SMC5: variants seen among roughly 807,000 people sequenced by gnomAD.
The protein encoded by SMC5 is structural maintenance of chromosomes 5, also known as structural maintenance of chromosomes protein 5.
SMC5 carries 88 observed loss-of-function variants against 148.3 expected under a neutral mutation model. The observed-to-expected ratio is 0.59, with a 90% CI of 0.50 to 0.71. The LOEUF is 0.71. Among genes scored for constraint, SMC5 ranks in the 30% least tolerant of loss-of-function variants. SMC5 has a pLI of 0.00. For missense variants in SMC5, 1,142 were observed against 1,298.9 expected, an observed-to-expected ratio of 0.88 and a Z score of 1.86; for synonymous variants, 421 against 432.8, an observed-to-expected ratio of 0.97 and a Z score of 0.34.
chr9:70,295,492 AAGAG>A (rs1463986615), intron 8 of SMC5, among the ~76,000 whole-genome samples: 1 of 150,834 alleles, frequency 6.6e-6, no homozygotes, highest in Non-Finnish European at 1.5e-5. Context: ...AAAAAAGAAG[AAGAG>A]GGAACATTCA....
chr9:70,262,428 G>T (rs901702508), intron 1 of SMC5, among the ~76,000 whole-genome samples: 1 of 152,160 alleles, frequency 6.6e-6, no homozygotes, highest in African/African-American at 2.4e-5. Flanking sequence ...ATCACTTGGT[G>T]ATTGATTGGA....
At position 70,300,182 on chromosome 9, in the gene SMC5, T is replaced by G; in HGVS notation, c.1446T>G (p.Cys482Trp). The G allele has an allele frequency of 2.5e-6, 4 of 1,595,540 alleles. No individual in the cohort carries two copies. Among genetic ancestry groups the G allele is most frequent in the Non-Finnish European group, 3.4e-6 (4 of 1,175,198 alleles). The change falls in exon 10 of 25, where the codon TGT becomes TGG. Residue 482 changes from cysteine to tryptophan, a missense_variant. Cys to Trp is a radical substitution (Grantham distance 215). Around this residue, in one of 5 missense-constraint regions of SMC5, gnomAD observed 743 missense variants for 835.7 expected, o/e 0.89. Coordinates refer to ENST00000361138, the MANE Select transcript of SMC5 (RefSeq NM_015110.4). The part of the protein sequence containing the change: ...NNRDKFKQRV[C>W]EPIMLTINMK... The stretch of plus-strand genomic sequence containing the variant: ...GAGACAAATTTAAACAAAGAGTCTG[T>G]GAGCCCATAATGCTCACGGTAAGAA...
rs1196043137 is a variant in SMC5 at position 70,297,993 on chromosome 9, G to A, written c.1081G>A (p.Val361Ile). The change falls in exon 9 of 25, where the codon GTA becomes ATA. Residue 361 changes from valine (V) to isoleucine (I), a missense_variant. Physicochemically the swap from Val to Ile is conservative, Grantham distance 29 (BLOSUM62 3). Transcript: ENST00000361138. ...TGAGGAACTTCAGCAGGCTTTAATA[G>A]TAAAGCAAAATGAAGAGCTTGACCG... The part of the protein sequence containing the change: ...HIEELQQALI[V>I]KQNEELDRQR... The A allele has an allele frequency of 2.5e-6, 4 of 1,613,510 alleles. No homozygotes were observed. The Admixed American group carries it at 5.0e-5, about 20-fold the overall frequency.
intron 2 of SMC5, 67 bp from the exon 3 acceptor site, chr9:70,267,856 G>T: frequency 7.2e-7 from 1 of 1,387,430 alleles, no homozygotes; most frequent in Non-Finnish European, 1.0e-6. Context: ...AATAATGACT[G>T]CTAAATCTCT....
intron 1 of SMC5, 80 bp downstream of exon 1, chr9:70,259,343 T>TGGGCGTGTGGGTGTGTACC (rs1451046112): frequency 7.1e-7 from 1 of 1,417,972 alleles, no homozygotes. Flanking sequence ...CGCGCGGGCG[T>TGGGCGTGTGGGTGTGTACC]GGGCGTGTGG....
Position 70,305,234 on chromosome 9 carries a change from C to G in SMC5, c.1465-13C>G. 7.9e-7 allele frequency: 1 copy of G among 1,259,996 alleles called. No homozygotes were observed. Among genetic ancestry groups the G allele is most frequent in the Non-Finnish European group, 1.1e-6 (1 of 892,216 alleles). 78.1% of individuals were successfully genotyped at this position (1,259,996 alleles called of 1,614,324 possible). A position where few individuals can be genotyped will look rare whatever the true frequency, so the allele number is the denominator to read the frequency against. On this transcript the variant is annotated splice_polypyrimidine_tract_variant and intron_variant, in intron 10 of 24. Transcript: ENST00000361138. ...TTTCATGAAATTCGACCTTTTTTTGCTTGTTTGTTTAGATCAATATGAAAG... is the reference window on the plus strand; with the variant it reads ...TTTCATGAAATTCGACCTTTTTTTGGTTGTTTGTTTAGATCAATATGAAAG...
At chr9:70,290,748 A>G (rs2035035047) in intron 8 of SMC5, among the ~76,000 whole-genome samples, 1 of 152,162 alleles carries the variant, frequency 6.6e-6, no homozygotes, top group Non-Finnish European at 1.5e-5. Flanking sequence ...GAAAAAAAGT[A>G]CGTGTGCTCA....
chr9:70,289,071 T>C (rs767476732), intron 8 of SMC5, among the ~76,000 whole-genome samples: 1 of 152,158 alleles, frequency 6.6e-6, no homozygotes, highest in Non-Finnish European at 1.5e-5. Flanking sequence ...GGAGTCTTGC[T>C]CTGTCTCCGA....
chr9:70,292,540 G>A (rs2035091311), intron 8 of SMC5, among the ~76,000 whole-genome samples: 1 of 152,074 alleles, frequency 6.6e-6, no homozygotes, highest in Admixed American at 6.6e-5. Context: ...GCACTCTGTT[G>A]AATAAGAGTG....
chr9:70,281,820 A>AT (rs1256857423), intron 6 of SMC5, among the ~76,000 whole-genome samples: 1 of 148,480 alleles, frequency 6.7e-6, no homozygotes, highest in East Asian at 2.0e-4. Context: ...GATTTTCCTT[A>AT]TTTTTTCTAA....
rs1198002757 is a variant in SMC5 at position 70,278,565 on chromosome 9, A to G, written c.618A>G (p.Pro206=). Reference sequence around the variant, plus strand: ...CCACTGAAAAGTCAATTGGTCCCCCAGAAATGCACAAATATCACTGTGAAC... The same window carrying G: ...CCACTGAAAAGTCAATTGGTCCCCCGGAAATGCACAAATATCACTGTGAAC... ...LEATEKSIGP[P]EMHKYHCELK... is the part of the protein sequence containing the mutation. The change falls in exon 5 of 25, where the codon CCA becomes CCG. Residue 206 remains proline, a synonymous_variant. Coordinates refer to ENST00000361138, the MANE Select transcript of SMC5 (RefSeq NM_015110.4). 2 of 1,612,372 alleles carry G rather than the reference A, an allele frequency of 1.2e-6. No individual in the cohort carries two copies. The highest frequency in any genetic ancestry group is 2.2e-5 in the East Asian group (1 of 44,774).
At chr9:70,347,251 T>C in intron 20 of SMC5, 90 bp downstream of exon 20, 1 of 994,710 alleles carries the variant, frequency 1.0e-6, no homozygotes, top group Non-Finnish European at 1.5e-6. Context: ...TTCCCTCCAG[T>C]ACTTGCCTCC....
intron 17 of SMC5, among the ~76,000 whole-genome samples, chr9:70,325,589 CA>C (rs1165555985): frequency 6.6e-6 from 1 of 152,100 alleles, no homozygotes; most frequent in Admixed American, 6.5e-5. Context: ...TACTCCTTTG[CA>C]GAACAAAACT....
intron 12 of SMC5, 56 bp downstream of exon 12, chr9:70,314,892 G>A (rs1190480008): frequency 1.7e-5 from 18 of 1,080,706 alleles, no homozygotes; most frequent in Non-Finnish European, 2.3e-5. Flanking sequence ...AACATTTATT[G>A]TTACATAAAT....
chr9:70,311,799 CATAGGACTTTCTATGTAGAAAG>C (rs2035665475), intron 11 of SMC5: 1 of 151,906 alleles, frequency 6.6e-6, no homozygotes, highest in Non-Finnish European at 1.5e-5. Context: ...TTGTAGAGTC[CATAGGACTTTCTATGTAGAAAG>C]TCCTGTCTTT....
chr9:70,280,289 G>A (rs552517420), intron 5 of SMC5, among the ~76,000 whole-genome samples: 39 of 152,264 alleles, frequency 2.6e-4, no homozygotes, highest in African/African-American at 9.1e-4. Flanking sequence ...ACACCATAAT[G>A]GCTAATTCTT....
chr9:70,333,645 C>G (rs1008731712), intron 17 of SMC5, among the ~76,000 whole-genome samples: 3 of 152,098 alleles, frequency 2.0e-5, no homozygotes, highest in African/African-American at 7.2e-5. Flanking sequence ...ACAGGAGGAT[C>G]ACTTGAACCC....
Position 70,264,400 on chromosome 9 carries a change from C to T in SMC5, c.282C>T (p.Cys94=), listed in dbSNP as rs1265799988. The T allele has an allele frequency of 6.2e-7, 1 of 1,613,960 alleles. No homozygotes were observed. Among genetic ancestry groups the T allele is most frequent in the South Asian group, 1.1e-5 (1 of 91,072 alleles). Residue 94 remains cysteine (C), a synonymous_variant, in exon 2 of 25, where the codon TGC becomes TGT. Coordinates refer to ENST00000361138, the MANE Select transcript of SMC5 (RefSeq NM_015110.4). ...AGTCGAGCATTGTGTGTGCCATTTG[C>T]CTTGGTTTAGCTGGAAAACCTGCTT... ...TGKSSIVCAI[C]LGLAGKPAFM...
intron 11 of SMC5, chr9:70,311,914 A>C (rs2035667754): frequency 6.6e-6 from 1 of 151,816 alleles, no homozygotes; most frequent in Non-Finnish European, 1.5e-5. Flanking sequence ...CCTCCAGGAC[A>C]ATGTTGAAGA....
Sources: gnomAD v4.1 joint callset for allele counts (sites outside exome capture counted in the v4.1 genomes callset) on GRCh38, gnomAD v4.1.1 for gene constraint, gnomAD v4.1.1 regional missense constraint, MANE v1.5 for transcripts, NCBI Gene and HGNC (gene_info 2026-07-23, HGNC 2026-07-21) for gene names.